Variants in ADARB2 observed in about 807,000 individuals in gnomAD.
ADARB2 encodes the protein inactive double-stranded RNA-specific editase B2.
In ADARB2, 25 loss-of-function variants were observed where a neutral mutation model predicts 62.2. The observed-to-expected ratio is 0.40, with a 90% CI of 0.29 to 0.56. ADARB2 has a LOEUF of 0.56. Ranked by LOEUF, ADARB2 falls within the 20% of genes least tolerant of loss-of-function variation. The pLI, the probability that ADARB2 is intolerant of heterozygous loss-of-function variation, is 0.43. For missense variants in ADARB2, 1,071 were observed against 1,077.4 expected, an observed-to-expected ratio of 0.99 and a Z score of 0.08; for synonymous variants, 572 against 500.8, an observed-to-expected ratio of 1.14 and a Z score of -1.90.
chr10:1,617,738 C>T (rs112467866), intron 1 of ADARB2, among the ~76,000 whole-genome samples: 175 of 146,542 alleles, frequency 1.2e-3, no homozygotes, highest in African/African-American at 4.0e-3. Context: ...TGCATTCTGT[C>T]GCTAGATGTT....
chr10:1,568,287 A>T (rs540012720), intron 1 of ADARB2, among the ~76,000 whole-genome samples: 1 of 152,266 alleles, frequency 6.6e-6, no homozygotes, highest in South Asian at 2.1e-4. Context: ...GCTGCCAGGA[A>T]ACGCTCAGCG....
At chr10:1,342,685 C>T (rs775108363) in intron 3 of ADARB2, among the ~76,000 whole-genome samples, 1 of 152,228 alleles carries the variant, frequency 6.6e-6, no homozygotes, top group Non-Finnish European at 1.5e-5. Flanking sequence ...AGTTAGGAAA[C>T]CTACCGCCCC....
chr10:1,504,381 CCT>C (rs1477897722), intron 1 of ADARB2, among the ~76,000 whole-genome samples: 1 of 152,216 alleles, frequency 6.6e-6, no homozygotes, highest in Non-Finnish European at 1.5e-5. Flanking sequence ...TACTTTTTCC[CCT>C]CTTTAATGGG....
intron 1 of ADARB2, among the ~76,000 whole-genome samples, chr10:1,675,791 A>C (rs1340591872): frequency 6.6e-6 from 1 of 152,084 alleles, no homozygotes; most frequent in Non-Finnish European, 1.5e-5. Context: ...CTCATCTGTA[A>C]CAGGTGAGAT....
At chr10:1,436,109 G>T (rs1176468350) in intron 1 of ADARB2, among the ~76,000 whole-genome samples, 2 of 152,118 alleles carry the variant, frequency 1.3e-5, no homozygotes, top group Non-Finnish European at 2.9e-5. Context: ...AGTGGCTCTT[G>T]CGAGGCTGTG....
intron 1 of ADARB2, among the ~76,000 whole-genome samples, chr10:1,515,690 C>T (rs922062143): frequency 1.3e-5 from 2 of 152,232 alleles, no homozygotes; most frequent in African/African-American, 2.4e-5. Flanking sequence ...ACCCACCCCT[C>T]AGCCAGAGTC....
chr10:1,538,502 G>T (rs1322733731), intron 1 of ADARB2, among the ~76,000 whole-genome samples: 1 of 152,240 alleles, frequency 6.6e-6, no homozygotes, highest in Non-Finnish European at 1.5e-5. Context: ...AGAGCCCAGT[G>T]TGAGTTATCT....
At chr10:1,230,035 T>C (rs1269240576) in intron 6 of ADARB2, among the ~76,000 whole-genome samples, 1 of 151,906 alleles carries the variant, frequency 6.6e-6, no homozygotes, top group Non-Finnish European at 1.5e-5. Flanking sequence ...AGAGGAGACA[T>C]GGCAGGTCCA....
At chr10:1,318,133 G>A (rs1831757548) in intron 3 of ADARB2, among the ~76,000 whole-genome samples, 1 of 152,212 alleles carries the variant, frequency 6.6e-6, no homozygotes, top group Non-Finnish European at 1.5e-5. Context: ...GTTAGACACT[G>A]TAAAATCTAT....
intron 7 of ADARB2, among the ~76,000 whole-genome samples, chr10:1,208,439 A>T (rs1164305112): frequency 6.6e-6 from 1 of 152,166 alleles, no homozygotes. Flanking sequence ...GGCCAAGGAC[A>T]CCTGGGTGTG....
chr10:1,337,840 G>A (rs1372704532), intron 3 of ADARB2, among the ~76,000 whole-genome samples: 2 of 152,178 alleles, frequency 1.3e-5, no homozygotes, highest in African/African-American at 2.4e-5. Flanking sequence ...TATAAAAGGG[G>A]GTGCCATTAA....
chr10:1,326,303 C>CT (rs1831845752), intron 3 of ADARB2, among the ~76,000 whole-genome samples: 1 of 152,208 alleles, frequency 6.6e-6, no homozygotes, highest in Non-Finnish European at 1.5e-5. Context: ...GACTGAGTCC[C>CT]TCACTAGGAA....
At chr10:1,191,236 CGGG>C (rs1319928372) in intron 8 of ADARB2, among the ~76,000 whole-genome samples, 81 of 152,308 alleles carry the variant, frequency 5.3e-4, no homozygotes, top group African/African-American at 1.9e-3. Flanking sequence ...TGAGGACCAG[CGGG>C]GCTCACGGTC....
At chr10:1,223,267 G>A (rs1266239886) in intron 6 of ADARB2, among the ~76,000 whole-genome samples, 1 of 152,184 alleles carries the variant, frequency 6.6e-6, no homozygotes, top group Non-Finnish European at 1.5e-5. Context: ...CATTGATTTT[G>A]TATCCTGAGA....
At chr10:1,195,447 T>G (rs932409360) in intron 8 of ADARB2, among the ~76,000 whole-genome samples, 1 of 151,712 alleles carries the variant, frequency 6.6e-6, no homozygotes, top group South Asian at 2.1e-4. Context: ...TGTTAAGTTT[T>G]ATGACTGGCA....
chr10:1,516,076 C>A (rs1345718518), intron 1 of ADARB2, among the ~76,000 whole-genome samples: 1 of 152,226 alleles, frequency 6.6e-6, no homozygotes, highest in East Asian at 1.9e-4. Flanking sequence ...TACTGTCAAT[C>A]AGACCAGGGG....
At chr10:1,375,380 C>T (rs909437459) in intron 2 of ADARB2, among the ~76,000 whole-genome samples, 1 of 152,194 alleles carries the variant, frequency 6.6e-6, no homozygotes, top group African/African-American at 2.4e-5. Flanking sequence ...CCCAGACCAG[C>T]CTGTGGGTGA....
chr10:1,241,861 C>T (rs970529339), intron 5 of ADARB2, among the ~76,000 whole-genome samples: 3 of 152,154 alleles, frequency 2.0e-5, no homozygotes, highest in African/African-American at 7.2e-5. Flanking sequence ...GTGGCCTTGC[C>T]CGGAAGGACG....
At chr10:1,275,904 C>T (rs931054021) in intron 3 of ADARB2, among the ~76,000 whole-genome samples, 1 of 151,980 alleles carries the variant, frequency 6.6e-6, no homozygotes, top group African/African-American at 2.4e-5. Context: ...TCCAGTCTAT[C>T]ATTGTTGGAC....
Sources: allele counts gnomAD v4.1 joint callset (sites outside exome capture counted in the v4.1 genomes callset), GRCh38; gene constraint gnomAD v4.1.1; transcripts MANE v1.5; gene names NCBI Gene and HGNC (gene_info 2026-07-23, HGNC 2026-07-21).